The following GPC5 variants were observed in gnomAD, a reference collection of about 807,000 sequenced individuals.
GPC5 encodes the protein glypican 5, also known as glypican-5.
Under a neutral mutation model 53.9 loss-of-function variants are expected in GPC5, and 47 were observed. The observed-to-expected ratio is 0.87, with a 90% CI of 0.69 to 1.11. GPC5 has a LOEUF of 1.11. Among genes scored for constraint, GPC5 ranks in the 50% most tolerant of loss-of-function variants. The pLI is 0.00. For missense variants in GPC5, 748 were observed against 713.1 expected, an observed-to-expected ratio of 1.05 and a Z score of -0.56; for synonymous variants, 286 against 263.3, an observed-to-expected ratio of 1.09 and a Z score of -0.84.
intron 2 of GPC5, among the ~76,000 whole-genome samples, chr13:91,453,522 A>G (rs1462543297): frequency 6.6e-6 from 1 of 152,066 alleles, no homozygotes; most frequent in African/African-American, 2.4e-5. Context: ...ACTTTACAGA[A>G]ATGGACTATA....
intron 7 of GPC5, among the ~76,000 whole-genome samples, chr13:92,802,929 T>C (rs1876961022): frequency 6.6e-6 from 1 of 151,976 alleles, no homozygotes; most frequent in African/African-American, 2.4e-5. Flanking sequence ...AGCTTTCATG[T>C]CCACGTGACA....
At chr13:91,773,283 G>A (rs1035097458) in intron 5 of GPC5, among the ~76,000 whole-genome samples, 2 of 152,096 alleles carry the variant, frequency 1.3e-5, no homozygotes, top group African/African-American at 2.4e-5. Context: ...GAGGTACAGC[G>A]TTTTAAAAAT....
rs184508500 is a variant in GPC5 at position 92,142,887 on chromosome 13, A to G, written c.1402-1943A>G. ...CACCAGAGAGTTAGGCTTTTGTTGT[A>G]CTTGTCTGATAATACTTTGAAAAAT... On this transcript the variant is annotated intron_variant, in intron 6 of 7. Transcript: ENST00000377067. Among the ~76,000 whole-genome samples, 545 of 152,310 alleles carry G rather than the reference A, an allele frequency of 3.6e-3. 4 individuals are homozygous for G. The highest frequency in any genetic ancestry group is 4.7e-3 in the Non-Finnish European group (319 of 68,014).
At chr13:92,306,161 G>A (rs142005802) in intron 7 of GPC5, among the ~76,000 whole-genome samples, 4 of 152,242 alleles carry the variant, frequency 2.6e-5, no homozygotes, top group African/African-American at 9.6e-5. Context: ...AATGAAGGGT[G>A]AATAGACCAA....
intron 7 of GPC5, among the ~76,000 whole-genome samples, chr13:92,569,535 G>T (rs1235789117): frequency 6.6e-6 from 1 of 152,022 alleles, no homozygotes; most frequent in Non-Finnish European, 1.5e-5. Flanking sequence ...AGAATGTCTT[G>T]TCTGTGCTAA....
chr13:91,643,012 C>T (rs1376168365), intron 2 of GPC5, among the ~76,000 whole-genome samples: 1 of 152,036 alleles, frequency 6.6e-6, no homozygotes, highest in Non-Finnish European at 1.5e-5. Context: ...TTGGAAGCTA[C>T]ATTGAGTTAG....
In GPC5 at chr13:92,318,007, A is replaced by G. The variant is rs1424233419; in HGVS notation, c.1561+173018A>G. ...TATAGGTTTGGTGGTCTCCTATCAG[A>G]AAGTTACTACTGAAAGTGGTGAAAA... is the stretch of plus-strand genomic sequence containing the variant. On this transcript the variant is annotated intron_variant, in intron 7 of 7. Transcript: ENST00000377067. Among the ~76,000 whole-genome samples the G allele has an allele frequency of 2.0e-5, 3 of 152,212 alleles. No homozygotes were observed. In the East Asian group the frequency reaches 5.8e-4, roughly 29 times the overall value.
intron 7 of GPC5, among the ~76,000 whole-genome samples, chr13:92,358,379 C>T (rs2043539673): frequency 6.6e-6 from 1 of 151,688 alleles, no homozygotes; most frequent in African/African-American, 2.4e-5. Flanking sequence ...GTGCCTGAGG[C>T]TTTTCCAGGT....
At chr13:92,090,034 T>C (rs1394914208) in intron 6 of GPC5, among the ~76,000 whole-genome samples, 2 of 152,306 alleles carry the variant, frequency 1.3e-5, no homozygotes, top group Admixed American at 1.3e-4. Context: ...ATTCATCTTA[T>C]GTGGTGAAAA....
intron 7 of GPC5, among the ~76,000 whole-genome samples, chr13:92,602,677 C>T (rs932949460): frequency 6.6e-6 from 1 of 152,040 alleles, no homozygotes; most frequent in Non-Finnish European, 1.5e-5. Context: ...GCAGACTATC[C>T]TTTTGAAACT....
chr13:92,079,511 G>A (rs1456189916), intron 6 of GPC5, among the ~76,000 whole-genome samples: 3 of 152,062 alleles, frequency 2.0e-5, no homozygotes, highest in Admixed American at 1.3e-4. Flanking sequence ...GTCATAATAC[G>A]TACATCTGCT....
intron 1 of GPC5, among the ~76,000 whole-genome samples, chr13:91,439,021 G>A (rs139644097): frequency 1.8e-4 from 28 of 152,308 alleles, no homozygotes; most frequent in African/African-American, 5.5e-4. Flanking sequence ...GAAATTACCC[G>A]TCTTCTGTGT....
intron 7 of GPC5, among the ~76,000 whole-genome samples, chr13:92,741,100 C>A (rs1889079349): frequency 6.6e-6 from 1 of 150,540 alleles, no homozygotes; most frequent in African/African-American, 2.4e-5. Flanking sequence ...ATGTGCCCCC[C>A]AAATTTCAAA....
At chr13:92,271,093 A>T (rs9523572) in intron 7 of GPC5, among the ~76,000 whole-genome samples, 44,639 of 151,942 alleles carry the variant, frequency 0.29, 6,645 homozygotes, top group Middle Eastern at 0.45. Context: ...CAGGGCGCCC[A>T]CAGAAACAAT....
chr13:92,106,016 A>G (rs888614829), intron 6 of GPC5, among the ~76,000 whole-genome samples: 5 of 152,000 alleles, frequency 3.3e-5, no homozygotes, highest in African/African-American at 1.2e-4. Context: ...CATTTGTGAA[A>G]TCTATTTGTT....
intron 5 of GPC5, among the ~76,000 whole-genome samples, chr13:91,831,388 C>A (rs542437390): frequency 7.2e-5 from 11 of 151,856 alleles, no homozygotes; most frequent in African/African-American, 2.7e-4. Context: ...CCTTCCCCAG[C>A]CCACTGATTC....
intron 5 of GPC5, among the ~76,000 whole-genome samples, chr13:91,789,974 G>T (rs1238726679): frequency 6.6e-6 from 1 of 152,048 alleles, no homozygotes; most frequent in Non-Finnish European, 1.5e-5. Context: ...CTATTTTGGG[G>T]GAACTAATCT....
At chr13:91,941,169 CT>C (rs2039923457) in intron 6 of GPC5, among the ~76,000 whole-genome samples, 1 of 151,904 alleles carries the variant, frequency 6.6e-6, no homozygotes, top group South Asian at 2.1e-4. Context: ...AGGCATGTGA[CT>C]TTATTTCACT....
At chr13:92,478,835 A>G (rs961348559) in intron 7 of GPC5, among the ~76,000 whole-genome samples, 12 of 151,768 alleles carry the variant, frequency 7.9e-5, no homozygotes, top group Non-Finnish European at 1.5e-5. Context: ...GAAATCTTAT[A>G]CTCTTGCTTC....
Sources: gnomAD v4.1 joint callset for allele counts (sites outside exome capture counted in the v4.1 genomes callset) on GRCh38, gnomAD v4.1.1 for gene constraint, MANE v1.5 for transcripts, NCBI Gene and HGNC (gene_info 2026-07-23, HGNC 2026-07-21) for gene names.